NAA16: variants seen among roughly 807,000 people sequenced by gnomAD.
NAA16 encodes NARG1-like protein.
In NAA16, 97 loss-of-function variants were observed where a neutral mutation model predicts 110.3. That is an observed-to-expected ratio of 0.88 (90% CI 0.75 to 1.04). The LOEUF is 1.04. Ranked by LOEUF, NAA16 falls within the 50% of genes least tolerant of loss-of-function variation. The pLI is 0.00. For missense variants in NAA16, 1,017 were observed against 1,005.1 expected (o/e 1.01, Z -0.16); for synonymous variants, 372 against 330.6 (o/e 1.13, Z -1.36).
chr13:41,356,390 C>T (rs1246863339), intron 10 of NAA16, among the ~76,000 whole-genome samples: 1 of 150,698 alleles, frequency 6.6e-6, no homozygotes, highest in Non-Finnish European at 1.5e-5. Context: ...GTGTGCATCT[C>T]TATTTAAAAC....
At position 41,373,746 on chromosome 13, in the gene NAA16, A is replaced by G. The variant is rs1351213658; in HGVS notation, c.2265A>G (p.Lys755=). ...DLESFNEDFL[K]RNATSLQHLL... ...AAAGTTTTAATGAGGATTTTCTGAA[A>G]CGTAACGCTACCTCTCTTCAGCATC... Residue 755 remains lysine (K), a synonymous_variant, in exon 18 of 20, where the codon AAA becomes AAG. Coordinates refer to ENST00000379406, the MANE Select transcript of NAA16 (RefSeq NM_024561.5). 6.2e-7 allele frequency: 1 copy of G among 1,610,584 alleles called. No individual in the cohort carries two copies. The highest frequency in any genetic ancestry group is 8.5e-7 in the Non-Finnish European group (1 of 1,178,908).
chr13:41,376,626 G>A lies in NAA16; in HGVS notation c.*1024G>A, dbSNP rs1230632663. ...GGTGTGCTTCAAGGGAGCATTATAG[G>A]GCAGAAAACAAATTAAAATGAAATG... On this transcript the variant is annotated 3_prime_UTR_variant, in exon 20 of 20. Transcript: ENST00000379406. The A allele has an allele frequency of 6.6e-6, 1 of 152,060 alleles. No homozygotes were observed. The highest frequency in any genetic ancestry group is 1.5e-5 in the Non-Finnish European group (1 of 68,014). The allele number at this position is 152,060 out of a possible 1,614,324, so 9.4% of individuals were successfully genotyped here. A position where few individuals can be genotyped will look rare whatever the true frequency, so the allele number is the denominator to read the frequency against.
intron 15 of NAA16, among the ~76,000 whole-genome samples, chr13:41,370,148 G>A (rs1454939269): frequency 6.6e-6 from 1 of 152,128 alleles, no homozygotes; most frequent in Admixed American, 6.6e-5. Flanking sequence ...GTTGGCCTTT[G>A]AACAACATAG....
At chr13:41,365,241 G>A (rs1437226506) in intron 13 of NAA16, among the ~76,000 whole-genome samples, 2 of 152,106 alleles carry the variant, frequency 1.3e-5, no homozygotes, top group South Asian at 2.1e-4. Flanking sequence ...CTTGGTGATG[G>A]AGTAGTTCTG....
chr13:41,358,895 G>A lies in NAA16; in HGVS notation c.1343G>A (p.Cys448Tyr). The A allele has an allele frequency of 6.2e-7, 1 of 1,612,706 alleles. No homozygotes were observed. Among genetic ancestry groups the A allele is most frequent in the South Asian group, 1.1e-5 (1 of 90,956 alleles). Residue 448 changes from cysteine to tyrosine, a missense_variant, in exon 12 of 20, where the codon TGT (cysteine) becomes TAT (tyrosine). Coordinates refer to ENST00000379406, the MANE Select transcript of NAA16 (RefSeq NM_024561.5). Reference protein sequence around the residue: ...DTADRFINSKCAKYMLRANMI... With the variant: ...DTADRFINSKYAKYMLRANMI... ...GCTGATAGATTCATCAATTCCAAAT[G>A]TGCAAAATACATGCTTCGAGCAAAT...
intron 8 of NAA16, among the ~76,000 whole-genome samples, chr13:41,332,862 A>T (rs2042276815): frequency 6.6e-6 from 1 of 152,194 alleles, no homozygotes; most frequent in South Asian, 2.1e-4. Flanking sequence ...AATTGATTTT[A>T]AAAATTCATT....
At chr13:41,368,301 T>C (rs2043246767) in intron 14 of NAA16, among the ~76,000 whole-genome samples, 1 of 152,178 alleles carries the variant, frequency 6.6e-6, no homozygotes, top group African/African-American at 2.4e-5. Flanking sequence ...ATCTCAGATA[T>C]TCCTAGGTAG....
chr13:41,372,307 A>G lies in NAA16; in HGVS notation c.2052A>G (p.Arg684=). The G allele has an allele frequency of 8.8e-6, 14 of 1,583,806 alleles. No homozygotes were observed. The highest frequency in any genetic ancestry group is 1.2e-5 in the Non-Finnish European group (14 of 1,166,472). ...TGTTAGCATTTGAAATATATTTTAGAAAAGGTAATAAATAGTTTGAGTTCA... is the reference window on the plus strand; with the variant it reads ...TGTTAGCATTTGAAATATATTTTAGGAAAGGTAATAAATAGTTTGAGTTCA... ...THLLAFEIYF[R]KGKFLLMLQS... Residue 684 remains arginine, a synonymous_variant, in exon 16 of 20, where the codon AGA becomes AGG. Transcript: ENST00000379406.
chr13:41,342,798 G>C (rs1332909338), intron 9 of NAA16, among the ~76,000 whole-genome samples: 3 of 152,162 alleles, frequency 2.0e-5, no homozygotes, highest in Non-Finnish European at 4.4e-5. Flanking sequence ...AATGTGTGTT[G>C]TGTATTACCA....
chr13:41,323,145 T>C lies in NAA16; in HGVS notation c.492T>C (p.Tyr164=), dbSNP rs2041991393. 1 of 1,614,152 alleles carries C rather than the reference T, an allele frequency of 6.2e-7. No homozygotes were observed. ...YAIAYHLLKD[Y]DMALKLLEEF... is the part of the protein sequence containing the mutation. ...TTGCATACCATTTGCTGAAAGATTATGATATGGCCCTAAAACTGTTGGAAG... is the reference window on the plus strand; with the variant it reads ...TTGCATACCATTTGCTGAAAGATTACGATATGGCCCTAAAACTGTTGGAAG... Residue 164 remains tyrosine, a synonymous_variant, in exon 5 of 20, where the codon TAT becomes TAC. Coordinates refer to ENST00000379406, the MANE Select transcript of NAA16 (RefSeq NM_024561.5).
intron 5 of NAA16, 93 bp from the exon 6 acceptor site, chr13:41,325,605 G>A: frequency 1.4e-6 from 1 of 717,266 alleles, no homozygotes; most frequent in Non-Finnish European, 2.1e-6. Flanking sequence ...TCTTGTTTAT[G>A]TGAATGACTC....
intron 9 of NAA16, among the ~76,000 whole-genome samples, chr13:41,353,319 A>G (rs1173807357): frequency 1.3e-5 from 2 of 152,142 alleles, no homozygotes; most frequent in Non-Finnish European, 2.9e-5. Flanking sequence ...AGTTACAGAT[A>G]TTCTAGGTGA....
intron 17 of NAA16, 78 bp downstream of exon 17, chr13:41,372,908 G>C (rs1593536418): frequency 7.7e-7 from 1 of 1,303,370 alleles, no homozygotes; most frequent in Admixed American, 3.3e-5. Context: ...CTGTTGATCT[G>C]ATAAATATTT....
At chr13:41,353,257 T>C (rs1235135605) in intron 9 of NAA16, among the ~76,000 whole-genome samples, 1 of 152,244 alleles carries the variant, frequency 6.6e-6, no homozygotes, top group Non-Finnish European at 1.5e-5. Flanking sequence ...TTTGCCTTTA[T>C]AAGTTTAACA....
Position 41,311,424 on chromosome 13 carries a change from C to T in NAA16, c.-105C>T. On this transcript the variant is annotated 5_prime_UTR_variant, in exon 1 of 20. Transcript: ENST00000379406. Reference sequence around the variant, plus strand: ...GACCAATGAACTAATCCATCGCCCGCAGCCCGACTCTCAGCAGCGGTTCGT... The same window carrying T: ...GACCAATGAACTAATCCATCGCCCGTAGCCCGACTCTCAGCAGCGGTTCGT... The T allele has an allele frequency of 9.0e-7, 1 of 1,113,428 alleles. No homozygotes were observed. The highest frequency in any genetic ancestry group is 1.3e-6 in the Non-Finnish European group (1 of 763,034). The allele number at this position is 1,113,428 out of a possible 1,614,324, so 69.0% of individuals were successfully genotyped here.
At position 41,374,781 on chromosome 13, in the gene NAA16, A is replaced by G; in HGVS notation, c.2339A>G (p.Glu780Gly). 2 of 1,613,184 alleles carry G rather than the reference A, an allele frequency of 1.2e-6. No individual in the cohort carries two copies. Among genetic ancestry groups the G allele is most frequent in the Non-Finnish European group, 8.5e-7 (1 of 1,179,460 alleles). ...TATTTTCTGGACAAGTCAAGGCAGGAGAAAGCAATTGCTATAGCCACTAGA... is the reference window on the plus strand; with the variant it reads ...TATTTTCTGGACAAGTCAAGGCAGGGGAAAGCAATTGCTATAGCCACTAGA... ...MMYFLDKSRQ[E>G]KAIAIATRLD... Residue 780 changes from glutamate (E) to glycine (G), a missense_variant, in exon 19 of 20, where the codon GAG becomes GGG. Glu to Gly is a moderately conservative substitution (Grantham distance 98). Transcript: ENST00000379406.
intron 2 of NAA16, among the ~76,000 whole-genome samples, chr13:41,318,415 T>C (rs1010164504): frequency 8.5e-5 from 13 of 152,128 alleles, no homozygotes; most frequent in African/African-American, 2.4e-4. Flanking sequence ...TTGGCCAGGC[T>C]GGTCTCGAAC....
chr13:41,342,856 G>A (rs1204791801), intron 9 of NAA16, among the ~76,000 whole-genome samples: 1 of 152,114 alleles, frequency 6.6e-6, no homozygotes, highest in African/African-American at 2.4e-5. Flanking sequence ...TCACTTTTCT[G>A]TTGGCATTTG....
At chr13:41,327,759 A>G (rs1202585727) in intron 6 of NAA16, 1 of 138,452 alleles carries the variant, frequency 7.2e-6, no homozygotes, top group Non-Finnish European at 1.5e-5. Flanking sequence ...AGTAGCAGAC[A>G]TTTATATGTA....
Sources: allele counts gnomAD v4.1 joint callset (sites outside exome capture counted in the v4.1 genomes callset), GRCh38; gene constraint gnomAD v4.1.1; transcripts MANE v1.5; gene names NCBI Gene and HGNC (gene_info 2026-07-23, HGNC 2026-07-21).